Variants in ATG10 observed in about 807,000 individuals in gnomAD.
ATG10 encodes autophagy related 10, also known as ubiquitin-like-conjugating enzyme ATG10.
Under a neutral mutation model 32.1 loss-of-function variants are expected in ATG10, and 30 were observed. The observed-to-expected ratio is 0.94, with a 90% CI of 0.70 to 1.27. The LOEUF is 1.27. ATG10 is among the 50% of genes most tolerant of loss of function. The pLI is 0.00. For synonymous variants in ATG10, 87 were observed against 91.5 expected (o/e 0.95, Z 0.28); for missense variants, 233 against 262.3 (o/e 0.89, Z 0.77).
chr5:82,110,545 G>A (rs971650912), intron 3 of ATG10, among the ~76,000 whole-genome samples: 8 of 152,148 alleles, frequency 5.3e-5, no homozygotes, highest in African/African-American at 1.9e-4. Context: ...TTTCTCTGAT[G>A]ACCAGTGATG....
chr5:81,976,816 A>G (rs1244243154), intron 1 of ATG10, among the ~76,000 whole-genome samples: 1 of 152,094 alleles, frequency 6.6e-6, no homozygotes, highest in Non-Finnish European at 1.5e-5. Context: ...GATTTTTCAC[A>G]AAAAAAATTT....
In ATG10 at chr5:82,133,167, T is replaced by G. The variant is rs569536024; in HGVS notation, c.217-31232T>G. Among the ~76,000 whole-genome samples the G allele has an allele frequency of 1.1e-4, 16 of 152,278 alleles. No individual in the cohort carries two copies. In the South Asian group the frequency reaches 3.3e-3, roughly 32 times the overall value. On this transcript the variant is annotated intron_variant, in intron 3 of 7. Transcript: ENST00000282185. ...TGTCAGATGGATAGATTGCAAAAAT[T>G]TTCTCCCATTCTGTAGGTTGCTTGT...
chr5:82,009,093 T>G (rs953457934), intron 2 of ATG10, among the ~76,000 whole-genome samples: 3 of 152,200 alleles, frequency 2.0e-5, no homozygotes, highest in African/African-American at 7.2e-5. Context: ...TACATCTTGC[T>G]CCACAGTATG....
At chr5:82,038,940 T>C (rs1307550002) in intron 2 of ATG10, among the ~76,000 whole-genome samples, 2 of 152,208 alleles carry the variant, frequency 1.3e-5, no homozygotes, top group East Asian at 3.8e-4. Context: ...CTCAGACTCT[T>C]GGGCTTAAGT....
At chr5:82,195,928 C>T (rs1483256734) in intron 5 of ATG10, among the ~76,000 whole-genome samples, 2 of 152,122 alleles carry the variant, frequency 1.3e-5, no homozygotes, top group Non-Finnish European at 2.9e-5. Flanking sequence ...CATGTAGTAA[C>T]ACTATGATTT....
chr5:82,167,686 C>G (rs1234528108), intron 4 of ATG10, among the ~76,000 whole-genome samples: 2 of 152,196 alleles, frequency 1.3e-5, no homozygotes, highest in Non-Finnish European at 2.9e-5. Flanking sequence ...GGTATCCAAA[C>G]TAGCTGAAGC....
At chr5:82,174,936 G>A (rs1743953924) in intron 4 of ATG10, among the ~76,000 whole-genome samples, 1 of 152,164 alleles carries the variant, frequency 6.6e-6, no homozygotes, top group Admixed American at 6.5e-5. Context: ...ATAATTGCTT[G>A]TTGACCTTCC....
chr5:82,230,082 C>G (rs552580795), intron 5 of ATG10, among the ~76,000 whole-genome samples: 1 of 152,310 alleles, frequency 6.6e-6, no homozygotes, highest in South Asian at 2.1e-4. Context: ...TTTGCATGTT[C>G]TCTTGCATCA....
intron 5 of ATG10, among the ~76,000 whole-genome samples, chr5:82,191,499 T>G (rs1744660123): frequency 6.6e-6 from 1 of 152,178 alleles, no homozygotes; most frequent in Non-Finnish European, 1.5e-5. Context: ...TCACTTAGTC[T>G]TTGAACACCG....
intron 5 of ATG10, among the ~76,000 whole-genome samples, chr5:82,203,177 G>A (rs1268212235): frequency 4.6e-5 from 7 of 151,584 alleles, no homozygotes; most frequent in Admixed American, 2.6e-4. Context: ...GCAGTGAGCC[G>A]AGATCGCACC....
intron 2 of ATG10, among the ~76,000 whole-genome samples, chr5:82,023,035 T>C (rs1762492840): frequency 6.7e-6 from 1 of 150,252 alleles, no homozygotes; most frequent in South Asian, 2.1e-4. Flanking sequence ...TATGTATATA[T>C]ATTTATTTTT....
intron 3 of ATG10, among the ~76,000 whole-genome samples, chr5:82,097,958 G>C (rs941006555): frequency 6.6e-6 from 1 of 152,110 alleles, no homozygotes; most frequent in African/African-American, 2.4e-5. Flanking sequence ...TTTAAAAAAA[G>C]GATAGACTGT....
At chr5:82,245,039 TC>T (rs1332020811) in intron 5 of ATG10, among the ~76,000 whole-genome samples, 1 of 152,186 alleles carries the variant, frequency 6.6e-6, no homozygotes, top group Admixed American at 6.5e-5. Flanking sequence ...TTTGCTCAGT[TC>T]ATTACTACTG....
chr5:82,136,050 T>A lies in ATG10; in HGVS notation c.217-28349T>A, dbSNP rs537971265. On this transcript the variant is annotated intron_variant, in intron 3 of 7. Coordinates refer to ENST00000282185, the MANE Select transcript of ATG10 (RefSeq NM_031482.5). ...AGACTAAAATTGCAACCCCTGATTTTTTGTTTTTTTGCTTTCCATTTGCTT... is the reference window on the plus strand; with the variant it reads ...AGACTAAAATTGCAACCCCTGATTTATTGTTTTTTTGCTTTCCATTTGCTT... Among the ~76,000 whole-genome samples, 15 of 152,294 alleles carry A rather than the reference T, an allele frequency of 9.8e-5. No homozygotes were observed. The East Asian group carries it at 2.7e-3, about 27-fold the overall frequency.
intron 4 of ATG10, among the ~76,000 whole-genome samples, chr5:82,176,582 G>A (rs551984853): frequency 4.0e-5 from 6 of 151,702 alleles, no homozygotes; most frequent in South Asian, 4.1e-4. Flanking sequence ...ACACGCATGC[G>A]CACACAGACA....
chr5:82,207,567 C>T (rs1486044006), intron 5 of ATG10, among the ~76,000 whole-genome samples: 4 of 152,202 alleles, frequency 2.6e-5, no homozygotes. Context: ...ATAGCTTTTT[C>T]AGCATGGTAG....
chr5:82,094,029 A>G (rs1477792644), intron 3 of ATG10, among the ~76,000 whole-genome samples: 3 of 152,078 alleles, frequency 2.0e-5, no homozygotes, highest in Non-Finnish European at 2.9e-5. Flanking sequence ...CCTTATACAC[A>G]TGAGCCGATC....
chr5:82,217,355 T>G (rs1745730060), intron 5 of ATG10, among the ~76,000 whole-genome samples: 1 of 152,196 alleles, frequency 6.6e-6, no homozygotes, highest in Admixed American at 6.5e-5. Context: ...ATTTGTTATT[T>G]ACTAAACACT....
chr5:82,067,548 G>A (rs1256807217), intron 3 of ATG10, among the ~76,000 whole-genome samples: 1 of 152,062 alleles, frequency 6.6e-6, no homozygotes. Context: ...ATATTCTGCT[G>A]AATCTTCTTT....
Sources: gnomAD v4.1 joint callset for allele counts (sites outside exome capture counted in the v4.1 genomes callset) on GRCh38, gnomAD v4.1.1 for gene constraint, MANE v1.5 for transcripts, NCBI Gene and HGNC (gene_info 2026-07-23, HGNC 2026-07-21) for gene names.